Variants in CRYZ observed in about 807,000 individuals in gnomAD.
CRYZ encodes crystallin zeta, also known as zeta-crystallin.
A neutral mutation model predicts 34.1 loss-of-function variants in CRYZ; 35 were observed. That is an observed-to-expected ratio of 1.03 (90% CI 0.78 to 1.36). The LOEUF is 1.36. CRYZ is among the 40% of genes most tolerant of loss of function. The probability of loss-of-function intolerance (pLI) is 0.00; values close to 1 mark genes in which losing one functional copy is unlikely to be tolerated. For synonymous variants in CRYZ, 137 were observed against 136.5 expected, an observed-to-expected ratio of 1.00 and a Z score of -0.03; for missense variants, 403 against 391.8, an observed-to-expected ratio of 1.03 and a Z score of -0.24.
intron 3 of CRYZ, 104 bp downstream of exon 3, chr1:74,723,014 A>T: frequency 1.7e-6 from 2 of 1,145,604 alleles, no homozygotes; most frequent in South Asian, 2.9e-5. Flanking sequence ...GAAATTGTGT[A>T]ATGGGGCCTT....
At chr1:74,711,140 G>C (rs547033806) in intron 5 of CRYZ, among the ~76,000 whole-genome samples, 1 of 152,282 alleles carries the variant, frequency 6.6e-6, no homozygotes, top group Non-Finnish European at 1.5e-5. Flanking sequence ...TCAGGGAGGG[G>C]CGTGTACGAA....
intron 1 of CRYZ, chr1:74,730,312 T>C (rs1209197871): frequency 6.6e-6 from 1 of 152,244 alleles, no homozygotes; most frequent in Non-Finnish European, 1.5e-5. Flanking sequence ...CTGTTGATCT[T>C]ATCTCCCACT....
chr1:74,726,688 T>C (rs531755895), intron 1 of CRYZ, among the ~76,000 whole-genome samples: 93 of 152,344 alleles, frequency 6.1e-4, no homozygotes, highest in Non-Finnish European at 1.1e-3. Context: ...AAAATGGGTT[T>C]TTCTTTTCTA....
intron 3 of CRYZ, among the ~76,000 whole-genome samples, chr1:74,721,463 T>C (rs1647162672): frequency 6.6e-6 from 1 of 152,178 alleles, no homozygotes; most frequent in Admixed American, 6.5e-5. Flanking sequence ...CCCTGAAGTC[T>C]ACAAGACATG....
intron 1 of CRYZ, chr1:74,730,478 A>G (rs1647654287): frequency 6.6e-6 from 1 of 152,228 alleles, no homozygotes; most frequent in Admixed American, 6.5e-5. Flanking sequence ...GGCAAATAGG[A>G]TAATACTTAA....
intron 4 of CRYZ, among the ~76,000 whole-genome samples, chr1:74,716,008 G>A (rs1647067897): frequency 6.6e-6 from 1 of 150,872 alleles, no homozygotes; most frequent in Non-Finnish European, 1.5e-5. Context: ...CCAATCAGTT[G>A]AAGGCTTTTG....
At position 74,719,365 on chromosome 1, in the gene CRYZ, T is replaced by C. The variant is rs149889365; in HGVS notation, c.272A>G (p.Asp91Gly). 1 of 1,609,584 alleles carries C rather than the reference T, an allele frequency of 6.2e-7. No individual in the cohort carries two copies. The highest frequency in any genetic ancestry group is 8.5e-7 in the Non-Finnish European group (1 of 1,176,388). Residue 91 changes from aspartate (D) to glycine (G), a missense_variant, in exon 4 of 9, where the codon GAC becomes GGC. Asp to Gly is a moderately conservative substitution (Grantham distance 94). Coordinates refer to ENST00000340866, the MANE Select transcript of CRYZ (RefSeq NM_001889.4). ...GDNASAFKKG[D>G]RVFTSSTISG... ...GATCGTGCTGCTAGTGAAAACTCTGTCACCTTTCTAGGGGAAGAGATAAAT... is the reference window on the plus strand; with the variant it reads ...GATCGTGCTGCTAGTGAAAACTCTGCCACCTTTCTAGGGGAAGAGATAAAT...
chr1:74,708,574 A>T (rs1646961297), intron 6 of CRYZ: 2 of 152,310 alleles, frequency 1.3e-5, no homozygotes, highest in South Asian at 4.1e-4. Context: ...CATGTCAGAG[A>T]TGAAACTGAT....
At chr1:74,713,143 C>A (rs991247542) in intron 5 of CRYZ, among the ~76,000 whole-genome samples, 5 of 152,206 alleles carry the variant, frequency 3.3e-5, no homozygotes, top group African/African-American at 1.2e-4. Flanking sequence ...ACCAGCCTAT[C>A]CCTGCCAGCT....
rs1428009319 is a variant in CRYZ at position 74,719,292 on chromosome 1, G to C, written c.345C>G (p.Tyr115Ter). ...EYALAADHTV[Y>*]KLPEKLDFKQ... ...TAAAGTCCAGTTTTTCAGGTAGTTT[G>C]TAAACAGTGTGGTCTGCTGCAAGAG... The change falls in exon 4 of 9, where the codon TAC (tyrosine) becomes TAG (stop). Residue 115 changes from tyrosine to a stop codon, truncating the protein, a stop_gained. Coordinates refer to ENST00000340866, the MANE Select transcript of CRYZ (RefSeq NM_001889.4). LOFTEE classifies it high-confidence loss of function. 6.2e-7 allele frequency: 1 copy of C among 1,613,780 alleles called. No homozygotes were observed. Among genetic ancestry groups the C allele is most frequent in the Non-Finnish European group, 8.5e-7 (1 of 1,179,808 alleles).
chr1:74,710,157 GCAAAA>G lies in CRYZ; in HGVS notation c.566_570del (p.Val189AlafsTer6). ...TTGAACACTTCATGGGCTCCATTTT[GCAAAA>G]CAATCTTTTGTCCTTCCTCAGTACC... On this transcript the variant is annotated frameshift_variant, in exon 6 of 9. Transcript: ENST00000340866. LOFTEE classifies it high-confidence loss of function. 6.2e-7 allele frequency: 1 copy of G among 1,613,782 alleles called. No individual in the cohort carries two copies. Among genetic ancestry groups the G allele is most frequent in the African/African-American group, 1.3e-5 (1 of 75,002 alleles).
At chr1:74,714,659 C>G in intron 4 of CRYZ, 29 bp from the exon 5 acceptor site, 1 of 1,611,914 alleles carries the variant, frequency 6.2e-7, no homozygotes, top group Non-Finnish European at 8.5e-7. Flanking sequence ...GTTACATCAC[C>G]TTATTTTTTG....
At position 74,706,776 on chromosome 1, in the gene CRYZ, T is replaced by C. The variant is rs538459979; in HGVS notation, c.828+123A>G. 6.2e-6 allele frequency: 5 copies of C among 809,860 alleles called. No individual in the cohort carries two copies. In the East Asian group the frequency reaches 9.9e-5, roughly 16 times the overall value. The allele number at this position is 809,860 out of a possible 1,614,324, so 50.2% of individuals were successfully genotyped here. A position where few individuals can be genotyped will look rare whatever the true frequency, so the allele number is the denominator to read the frequency against. ...CCCTAGTTGTCCTTCTGGTGACTAA[T>C]CCTTACCAACTCCCACTAGTCATAT... On this transcript the variant is annotated intron_variant, in intron 8 of 8. Coordinates refer to ENST00000340866, the MANE Select transcript of CRYZ (RefSeq NM_001889.4).
At chr1:74,723,426 A>C (rs1647201608) in intron 2 of CRYZ, among the ~76,000 whole-genome samples, 156 bp from the exon 3 acceptor site, 2 of 152,258 alleles carry the variant, frequency 1.3e-5, no homozygotes. Flanking sequence ...AAGTTTTACA[A>C]GCTAACATAA....
intron 5 of CRYZ, among the ~76,000 whole-genome samples, chr1:74,713,175 A>C (rs1647027119): frequency 6.6e-6 from 1 of 152,166 alleles, no homozygotes; most frequent in Non-Finnish European, 1.5e-5. Flanking sequence ...AAACTCAGCC[A>C]GCTCAGAGAA....
chr1:74,719,327 C>A lies in CRYZ; in HGVS notation c.310G>T (p.Ala104Ser), dbSNP rs760836369. The A allele has an allele frequency of 6.2e-7, 1 of 1,613,518 alleles. No individual in the cohort carries two copies. Among genetic ancestry groups the A allele is most frequent in the Non-Finnish European group, 8.5e-7 (1 of 1,179,502 alleles). The change falls in exon 4 of 9, where the codon GCA becomes TCA. Residue 104 changes from alanine (A) to serine (S), a missense_variant. By Grantham distance (99) the Ala-to-Ser change is moderately conservative. Coordinates refer to ENST00000340866, the MANE Select transcript of CRYZ (RefSeq NM_001889.4). ...TGGTCTGCTGCAAGAGCATACTCTG[C>A]ATAACCCCCAGAGATCGTGCTGCTA... The part of the protein sequence containing the change: ...FTSSTISGGY[A>S]EYALAADHTV...
At position 74,714,563 on chromosome 1, in the gene CRYZ, T is replaced by C; in HGVS notation, c.480+16A>G. 1 of 1,609,086 alleles carries C rather than the reference T, an allele frequency of 6.2e-7. No homozygotes were observed. Among genetic ancestry groups the C allele is most frequent in the Middle Eastern group, 1.7e-4 (1 of 6,046 alleles). On this transcript the variant is annotated intron_variant, in intron 5 of 8. Transcript: ENST00000340866. ...AACCCAAGCTTGTTTCAAAATACAT[T>C]AAAAAAAATACTTACTCCTCCACTT...
chr1:74,724,240 G>A (rs1396945400), intron 2 of CRYZ, among the ~76,000 whole-genome samples: 1 of 151,956 alleles, frequency 6.6e-6, no homozygotes, highest in East Asian at 1.9e-4. Context: ...AGCCATGGAG[G>A]GTGCAGTAAT....
chr1:74,726,075 T>C (rs1647321472), intron 1 of CRYZ, among the ~76,000 whole-genome samples: 1 of 152,330 alleles, frequency 6.6e-6, no homozygotes, highest in South Asian at 2.1e-4. Flanking sequence ...GTCTGCAGCC[T>C]TTCCAGGCAC....
Sources: allele counts gnomAD v4.1 joint callset (sites outside exome capture counted in the v4.1 genomes callset), GRCh38; gene constraint gnomAD v4.1.1; transcripts MANE v1.5; gene names NCBI Gene and HGNC (gene_info 2026-07-23, HGNC 2026-07-21).